Variants in WWC2 observed in about 807,000 individuals in gnomAD.
WWC2 encodes the protein protein WWC2.
In WWC2, 101 loss-of-function variants were observed where a neutral mutation model predicts 138.5. The ratio of observed to expected loss-of-function variants is 0.73; its 90% confidence interval spans 0.62 to 0.86. The LOEUF is 0.86. Among genes scored for constraint, WWC2 ranks in the 40% least tolerant of loss-of-function variants. WWC2 has a pLI of 0.00. For synonymous variants in WWC2, 558 were observed against 538.4 expected (o/e 1.04, Z -0.50); for missense variants, 1,420 against 1,419.4 (o/e 1.00, Z -0.01).
chr4:183,158,114 C>T (rs1466904633), intron 1 of WWC2, among the ~76,000 whole-genome samples: 1 of 152,120 alleles, frequency 6.6e-6, no homozygotes, highest in African/African-American at 2.4e-5. Flanking sequence ...CTTATTTCTT[C>T]CCTTCCATTT....
intron 1 of WWC2, among the ~76,000 whole-genome samples, chr4:183,187,436 C>T (rs912463406): frequency 6.6e-6 from 1 of 151,394 alleles, no homozygotes; most frequent in Non-Finnish European, 1.5e-5. Flanking sequence ...CACCTGTAGT[C>T]CCAGCTACAC....
chr4:183,276,924 GC>G (rs1257880487), intron 16 of WWC2, among the ~76,000 whole-genome samples: 8 of 151,798 alleles, frequency 5.3e-5, no homozygotes, highest in African/African-American at 1.9e-4. Context: ...ATTCTGTTGA[GC>G]TTTTGGAGGA....
At chr4:183,213,942 A>G (rs1246872386) in intron 4 of WWC2, among the ~76,000 whole-genome samples, 1 of 152,042 alleles carries the variant, frequency 6.6e-6, no homozygotes, top group Non-Finnish European at 1.5e-5. Context: ...AAAAAAACAC[A>G]ATACCGAAGT....
rs1735488902 is a variant in WWC2 at position 183,207,957 on chromosome 4, C to T, written c.246C>T (p.Thr82=). 6.2e-7 allele frequency: 1 copy of T among 1,606,042 alleles called. No individual in the cohort carries two copies. Among genetic ancestry groups the T allele is most frequent in the Non-Finnish European group, 8.5e-7 (1 of 1,176,048 alleles). Residue 82 remains threonine, a synonymous_variant, in exon 3 of 23, where the codon ACC becomes ACT. Coordinates refer to ENST00000403733, the MANE Select transcript of WWC2 (RefSeq NM_024949.6). ...GVYYIDHINK[T]TQIEDPRKQW... ...CCCTCCACCTAATGTTTTCAGAAAC[C>T]ACGCAGATAGAAGATCCAAGAAAAC...
chr4:183,116,147 G>C (rs1433345201), intron 1 of WWC2, among the ~76,000 whole-genome samples: 2 of 152,152 alleles, frequency 1.3e-5, no homozygotes, highest in Non-Finnish European at 2.9e-5. Context: ...CCAGATGGTG[G>C]TAAGTGTGTG....
chr4:183,298,753 T>A (rs1738722661), intron 21 of WWC2, among the ~76,000 whole-genome samples: 1 of 152,226 alleles, frequency 6.6e-6, no homozygotes, highest in Admixed American at 6.5e-5. Flanking sequence ...TACAGAATTT[T>A]GTGATCTATT....
intron 3 of WWC2, among the ~76,000 whole-genome samples, chr4:183,208,591 G>A (rs1735508562): frequency 6.6e-6 from 1 of 152,176 alleles, no homozygotes; most frequent in Admixed American, 6.5e-5. Context: ...AGCTGGCTTT[G>A]TTTAAAGAAG....
intron 14 of WWC2, among the ~76,000 whole-genome samples, chr4:183,266,461 T>C (rs181351394): frequency 3.1e-3 from 472 of 152,298 alleles, no homozygotes; most frequent in African/African-American, 0.011. Flanking sequence ...AAACCAAGAA[T>C]CCCAACAAAG....
intron 21 of WWC2, among the ~76,000 whole-genome samples, chr4:183,307,751 C>T (rs1000920337): frequency 2.0e-5 from 3 of 152,176 alleles, no homozygotes; most frequent in Non-Finnish European, 4.4e-5. Flanking sequence ...CTACAACTAA[C>T]ATCATACTTA....
intron 1 of WWC2, among the ~76,000 whole-genome samples, chr4:183,156,850 A>G (rs1322863172): frequency 2.0e-5 from 3 of 152,112 alleles, no homozygotes; most frequent in African/African-American, 7.2e-5. Flanking sequence ...CTCAAATGTT[A>G]ATATTTTACC....
intron 16 of WWC2, among the ~76,000 whole-genome samples, chr4:183,278,651 C>T (rs1737951623): frequency 6.6e-6 from 1 of 152,004 alleles, no homozygotes; most frequent in Non-Finnish European, 1.5e-5. Context: ...TCTTTTGTTT[C>T]CTTGAGCAGT....
intron 2 of WWC2, among the ~76,000 whole-genome samples, chr4:183,197,982 A>G (rs1210532797): frequency 6.6e-6 from 1 of 152,100 alleles, no homozygotes; most frequent in African/African-American, 2.4e-5. Context: ...CTGGAACTTC[A>G]TGTAAAAGGA....
At position 183,255,895 on chromosome 4, in the gene WWC2, G is replaced by C. The variant is rs1737120575; in HGVS notation, c.1196+1896G>C. Among the ~76,000 whole-genome samples, 6 of 123,416 alleles carry C rather than the reference G, an allele frequency of 4.9e-5. No homozygotes were observed. In the South Asian group the frequency reaches 1.4e-3, roughly 29 times the overall value. 81.0% of individuals were successfully genotyped at this position (123,416 alleles called of 152,430 possible). The stretch of plus-strand genomic sequence containing the variant: ...TTTTTTCCTTTTTTTTTTTTTTAAC[G>C]AACAGCCCAAACCTCACCAGAGACA... On this transcript the variant is annotated intron_variant, in intron 9 of 22. Coordinates refer to ENST00000403733, the MANE Select transcript of WWC2 (RefSeq NM_024949.6).
chr4:183,178,607 C>T (rs1304817943), intron 1 of WWC2, among the ~76,000 whole-genome samples: 1 of 150,400 alleles, frequency 6.6e-6, no homozygotes, highest in East Asian at 1.9e-4. Flanking sequence ...AAGTAAAAAT[C>T]AGAGGATGGA....
chr4:183,169,088 T>G (rs561746530), intron 1 of WWC2, among the ~76,000 whole-genome samples: 156 of 152,340 alleles, frequency 1.0e-3, no homozygotes, highest in Middle Eastern at 3.4e-3. Context: ...CCGCAGATGA[T>G]CTGCCCGCCT....
At chr4:183,285,658 G>C (rs1395853985) in intron 19 of WWC2, among the ~76,000 whole-genome samples, 1 of 152,066 alleles carries the variant, frequency 6.6e-6, no homozygotes, top group Non-Finnish European at 1.5e-5. Context: ...TACTACAGAG[G>C]CTGAGGCAGG....
chr4:183,110,452 G>A (rs958384103), intron 1 of WWC2, among the ~76,000 whole-genome samples: 1 of 57,246 alleles, frequency 1.7e-5, no homozygotes. Context: ...TTTTTTTTTT[G>A]CTTTGTCAGT....
chr4:183,157,014 C>A (rs1561440402), intron 1 of WWC2, among the ~76,000 whole-genome samples: 1 of 152,106 alleles, frequency 6.6e-6, no homozygotes, highest in East Asian at 1.9e-4. Flanking sequence ...CAATAGCATT[C>A]ACTTACCTGA....
chr4:183,132,084 A>G (rs1162899117), intron 1 of WWC2, among the ~76,000 whole-genome samples: 1 of 152,168 alleles, frequency 6.6e-6, no homozygotes, highest in Non-Finnish European at 1.5e-5. Flanking sequence ...TGTCTTCAAT[A>G]TTATAGTTTT....
Sources: allele counts gnomAD v4.1 joint callset (sites outside exome capture counted in the v4.1 genomes callset), GRCh38; gene constraint gnomAD v4.1.1; transcripts MANE v1.5; gene names NCBI Gene and HGNC (gene_info 2026-07-23, HGNC 2026-07-21).